MYO16: variants seen among roughly 807,000 people sequenced by gnomAD.
MYO16 encodes unconventional myosin-XVI.
Under a neutral mutation model 205.3 loss-of-function variants are expected in MYO16, and 94 were observed. The observed-to-expected ratio is 0.46, with a 90% CI of 0.39 to 0.54. MYO16 has a LOEUF of 0.54. Among genes scored for constraint, MYO16 ranks in the 20% least tolerant of loss-of-function variants. The pLI is 0.00. For synonymous variants in MYO16, 988 were observed against 954.0 expected (o/e 1.04, Z -0.66); for missense variants, 2,315 against 2,387.5 (o/e 0.97, Z 0.63).
chr13:108,658,028 G>C (rs553820921), intron 1 of MYO16, among the ~76,000 whole-genome samples: 21 of 152,232 alleles, frequency 1.4e-4, no homozygotes, highest in Middle Eastern at 3.4e-3. Context: ...ACAAGAGATT[G>C]ACCTGTAATC....
intron 34 of MYO16, among the ~76,000 whole-genome samples, chr13:109,200,549 G>T (rs1404811473): frequency 6.6e-6 from 1 of 152,130 alleles, no homozygotes; most frequent in Non-Finnish European, 1.5e-5. Flanking sequence ...CTTTCAAAGG[G>T]TTTATGTGTG....
At chr13:108,823,349 G>T in intron 9 of MYO16, 71 bp downstream of exon 9, 2 of 1,411,726 alleles carry the variant, frequency 1.4e-6, no homozygotes, top group Non-Finnish European at 9.6e-7. Flanking sequence ...CCCATATTAA[G>T]TCTGACTCTC....
chr13:109,151,433 G>C (rs1000162619), intron 32 of MYO16, among the ~76,000 whole-genome samples: 1 of 152,158 alleles, frequency 6.6e-6, no homozygotes, highest in Non-Finnish European at 1.5e-5. Flanking sequence ...AAATGACTAA[G>C]TTCTAAACTA....
At chr13:108,963,625 C>G (rs985071930) in intron 19 of MYO16, among the ~76,000 whole-genome samples, 4 of 152,286 alleles carry the variant, frequency 2.6e-5, no homozygotes, top group Admixed American at 6.5e-5. Context: ...AGGAATAAGG[C>G]CAACAGTCTT....
At chr13:108,524,375 C>T in the MYO16 span, among the ~76,000 whole-genome samples, 1 of 152,074 alleles carries the variant, frequency 6.6e-6, no homozygotes, top group Non-Finnish European at 1.5e-5. Flanking sequence ...CTCTCTCCCT[C>T]TCTCTTCTGT....
chr13:109,186,942 T>C (rs2146979), intron 34 of MYO16, among the ~76,000 whole-genome samples: 74,783 of 152,040 alleles, frequency 0.49, 19,159 homozygotes, highest in African/African-American at 0.6. Context: ...GTAGTGGTTA[T>C]TACCAAATTA....
At chr13:108,638,076 T>A (rs1416213389) in intron 1 of MYO16, among the ~76,000 whole-genome samples, 1 of 152,104 alleles carries the variant, frequency 6.6e-6, no homozygotes, top group Non-Finnish European at 1.5e-5. Context: ...CAGAGTGGAC[T>A]TGAGGGGTAA....
intron 16 of MYO16, among the ~76,000 whole-genome samples, chr13:108,922,543 G>C (rs971504310): frequency 6.6e-6 from 1 of 152,120 alleles, no homozygotes; most frequent in African/African-American, 2.4e-5. Context: ...CTTTCTTCAC[G>C]TCTAAAATCC....
chr13:109,149,772 C>G (rs904178681), intron 32 of MYO16, among the ~76,000 whole-genome samples: 2 of 152,158 alleles, frequency 1.3e-5, no homozygotes, highest in African/African-American at 4.8e-5. Flanking sequence ...ACCCACCTGC[C>G]ATAAAATACC....
At position 109,179,542 on chromosome 13, in the gene MYO16, G is replaced by C. The variant is rs762717469; in HGVS notation, c.5324G>C (p.Gly1775Ala). ...TAENGNSISNGLPEEDGYSRL... is the reference protein window; with the variant it reads ...TAENGNSISNALPEEDGYSRL... ...TCCCGATTTGTGTTGACCTCAATAG[G>C]TTTACCTGAAGAAGATGGATACTCA... Residue 1775 changes from glycine to alanine, a missense_variant and splice_region_variant, in exon 34 of 35, where the codon GGT (glycine) becomes GCT (alanine). Physicochemically the swap from Gly to Ala is moderately conservative, Grantham distance 60. Around this residue, in one of 3 missense-constraint regions of MYO16, gnomAD observed 1,097 missense variants for 1,092.0 expected, o/e 1.00. Coordinates refer to ENST00000457511, the MANE Select transcript of MYO16 (RefSeq NM_001198950.3). 1 of 1,612,554 alleles carries C rather than the reference G, an allele frequency of 6.2e-7. No homozygotes were observed. Among genetic ancestry groups the C allele is most frequent in the Admixed American group, 1.7e-5 (1 of 60,010 alleles).
chr13:108,655,538 C>T (rs1298716377), intron 1 of MYO16, among the ~76,000 whole-genome samples: 3 of 152,136 alleles, frequency 2.0e-5, no homozygotes, highest in Non-Finnish European at 4.4e-5. Flanking sequence ...TCAGAGCCTC[C>T]ACTGGGGCAC....
intron 34 of MYO16, among the ~76,000 whole-genome samples, chr13:109,199,192 G>GTATATATATA (rs4000581): frequency 1.6e-4 from 12 of 75,620 alleles, no homozygotes; most frequent in Non-Finnish European, 2.3e-4. Flanking sequence ...AATAAAAAAG[G>GTATATATATA]TATATATATA....
intron 13 of MYO16, among the ~76,000 whole-genome samples, chr13:108,886,812 A>C (rs1879921449): frequency 6.6e-6 from 1 of 152,056 alleles, no homozygotes; most frequent in African/African-American, 2.4e-5. Context: ...TGCCTGAAGC[A>C]AGCTGGAGAA....
intron 13 of MYO16, among the ~76,000 whole-genome samples, chr13:108,883,637 CTT>C (rs201912016): frequency 1.2e-4 from 17 of 142,468 alleles, no homozygotes; most frequent in Admixed American, 2.1e-4. Flanking sequence ...ACTTCCTAAA[CTT>C]TTTTTTTTTT....
intron 4 of MYO16, among the ~76,000 whole-genome samples, chr13:108,754,971 CAGAG>C (rs10596764): frequency 0.035 from 5,327 of 151,904 alleles, 307 homozygotes; most frequent in African/African-American, 0.12. Flanking sequence ...GAGAGAGAGA[CAGAG>C]AGAGAGAACA....
rs927194696 is a variant in MYO16 at position 108,631,532 on chromosome 13, T to G, written c.28+1660T>G. 2.0e-5 allele frequency among the ~76,000 whole-genome samples: 3 copies of G among 152,210 alleles called. No individual in the cohort carries two copies. In the South Asian group the frequency reaches 6.2e-4, roughly 32 times the overall value. ...AGAGATGAAATCTAAAATTAATGAA[T>G]TTAAACATTCCTGATGCATTTCTGA... On this transcript the variant is annotated intron_variant, in intron 1 of 34. Coordinates refer to ENST00000457511, the MANE Select transcript of MYO16 (RefSeq NM_001198950.3).
chr13:109,011,980 G>A (rs1211207654), intron 22 of MYO16, among the ~76,000 whole-genome samples: 22 of 152,108 alleles, frequency 1.4e-4, no homozygotes, highest in Admixed American at 1.4e-3. Context: ...CACAATAGGG[G>A]TCAATATATG....
At chr13:109,067,464 A>T in intron 27 of MYO16, among the ~76,000 whole-genome samples, 1 of 152,092 alleles carries the variant, frequency 6.6e-6, no homozygotes. Flanking sequence ...GGTGTCTCTA[A>T]CCACTACAGG....
At chr13:108,726,560 A>AT (rs1246963620) in intron 3 of MYO16, among the ~76,000 whole-genome samples, 20 of 57,018 alleles carry the variant, frequency 3.5e-4, no homozygotes, top group African/African-American at 2.3e-3. Flanking sequence ...TCTGTTTCAA[A>AT]AAAAAAAAAA....
Sources: allele counts gnomAD v4.1 joint callset (sites outside exome capture counted in the v4.1 genomes callset), GRCh38; gene constraint gnomAD v4.1.1; regional missense constraint gnomAD v4.1.1; transcripts MANE v1.5; gene names NCBI Gene and HGNC (gene_info 2026-07-23, HGNC 2026-07-21).